The following BLOC1S3 variants were observed in gnomAD, a reference collection of about 807,000 sequenced individuals.
BLOC1S3 encodes biogenesis of lysosome-related organelles complex 1 subunit 3.
A neutral mutation model predicts 9.1 loss-of-function variants in BLOC1S3; 7 were observed. That is an observed-to-expected ratio of 0.77 (90% CI 0.44 to 1.45). BLOC1S3 has a LOEUF of 1.45. BLOC1S3 is among the 40% of genes most tolerant of loss of function. BLOC1S3 has a pLI of 0.01. For synonymous variants in BLOC1S3, 145 were observed against 158.4 expected, an observed-to-expected ratio of 0.92 and a Z score of 0.64; for missense variants, 307 against 315.2, an observed-to-expected ratio of 0.97 and a Z score of 0.20.
At chr19:45,216,117 G>A in intron 3 of BLOC1S3, 1 of 1,613,984 alleles carries the variant, frequency 6.2e-7, no homozygotes. Flanking sequence ...CCTCCACCTG[G>A]ATGCTGGGCG....
In BLOC1S3 at chr19:45,189,545, GC is replaced by G. The variant is rs540535431; in HGVS notation, n.180+1807del. ...CCTCCCAGGTTCAAGTGATTCTCCT[GC>G]CTAAGCCTCCCGAATAGCTGAGATT... On this transcript the variant is annotated intron_variant and non_coding_transcript_variant, in intron 2 of 3. Transcript: ENST00000591569. 1.3e-4 allele frequency among the ~76,000 whole-genome samples: 20 copies of G among 148,904 alleles called. No individual in the cohort carries two copies. The South Asian group carries it at 4.2e-3, about 31-fold the overall frequency.
intron 3 of BLOC1S3, among the ~76,000 whole-genome samples, chr19:45,206,455 T>TTTTTTTTTTTTTTTTTTTTTTTG (rs1568476450): frequency 1.7e-5 from 2 of 115,212 alleles, no homozygotes; most frequent in African/African-American, 8.1e-5. Context: ...ATCAAGTTTT[T>TTTTTTTTTTTTTTTTTTTTTTTG]TTTTTTTTTT....
rs1969487298 is a variant in BLOC1S3 at position 45,179,794 on chromosome 19, C to A, written c.498C>A (p.Asp166Glu). The change falls in exon 2 of 2, where the codon GAC becomes GAA. Residue 166 changes from aspartate (D) to glutamate (E), a missense_variant. Physicochemically the swap from Asp to Glu is conservative, Grantham distance 45. Coordinates refer to ENST00000433642, the MANE Select transcript of BLOC1S3 (RefSeq NM_212550.5). The surrounding 1 kb of genome is among the most constrained non-coding windows in gnomAD (Gnocchi z 4.6). ...AAHSVRLARG[D>E]LCALAERLDI... ...ACAGCGTGCGCCTGGCGCGCGGGGA[C>A]CTTTGTGCGCTGGCCGAGCGTCTGG... is the stretch of plus-strand genomic sequence containing the variant. The A allele has an allele frequency of 6.3e-7, 1 of 1,593,178 alleles. No homozygotes were observed. Among genetic ancestry groups the A allele is most frequent in the Middle Eastern group, 1.7e-4 (1 of 5,998 alleles).
At chr19:45,207,973 T>C (rs1286460560) in intron 3 of BLOC1S3, among the ~76,000 whole-genome samples, 1 of 151,336 alleles carries the variant, frequency 6.6e-6, no homozygotes, top group Non-Finnish European at 1.5e-5. Context: ...AAGACCACCA[T>C]GTACTTTTTT....
intron 3 of BLOC1S3, among the ~76,000 whole-genome samples, chr19:45,209,137 C>T (rs1217833614): frequency 3.9e-5 from 6 of 151,976 alleles, no homozygotes; most frequent in African/African-American, 1.4e-4. Flanking sequence ...CAACCTCTGC[C>T]TCCCGGGTTC....
At chr19:45,183,623 C>CTTTTTTTTTTTTTTTTTTTTTTTT (rs57651816), downstream of BLOC1S3, among the ~76,000 whole-genome samples, 14 of 105,114 alleles carry the variant, frequency 1.3e-4, no homozygotes, top group East Asian at 2.8e-4. Flanking sequence ...CTTTTCTTTT[C>CTTTTTTTTTTTTTTTTTTTTTTTT]TTTTTTTTTT....
chr19:45,196,115 A>T (rs1011245631), intron 2 of BLOC1S3, among the ~76,000 whole-genome samples: 6 of 152,226 alleles, frequency 3.9e-5, no homozygotes, highest in Non-Finnish European at 5.9e-5. Context: ...TTGGAAAGAA[A>T]CACATTTCCA....
chr19:45,185,206 A>G (rs1353849901), downstream of BLOC1S3, among the ~76,000 whole-genome samples: 3 of 152,204 alleles, frequency 2.0e-5, no homozygotes, highest in Admixed American at 2.0e-4. Flanking sequence ...CACTCTGGTC[A>G]TCACTGCCTG....
intron 2 of BLOC1S3, among the ~76,000 whole-genome samples, chr19:45,195,052 T>C (rs1000597135): frequency 2.6e-5 from 4 of 151,086 alleles, no homozygotes; most frequent in Non-Finnish European, 5.9e-5. Flanking sequence ...TGCCCCAGCC[T>C]CCCGGTAGAT....
intron 3 of BLOC1S3, among the ~76,000 whole-genome samples, chr19:45,205,342 T>C (rs546157845): frequency 6.6e-6 from 1 of 152,124 alleles, no homozygotes; most frequent in South Asian, 2.1e-4. Flanking sequence ...ATTTTTTGTA[T>C]TTTTAGTAGA....
intron 2 of BLOC1S3, among the ~76,000 whole-genome samples, chr19:45,189,057 G>A (rs142259720): frequency 1.7e-4 from 25 of 150,968 alleles, no homozygotes; most frequent in African/African-American, 5.8e-4. Context: ...TGATCCTCCC[G>A]CCTTGGGCTC....
rs1470568928 is a variant in BLOC1S3 at position 45,179,630 on chromosome 19, C to T, written c.334C>T (p.Arg112Trp). The change falls in exon 2 of 2, where the codon CGG (arginine) becomes TGG (tryptophan). Residue 112 changes from arginine (R) to tryptophan (W), a missense_variant. Coordinates refer to ENST00000433642, the MANE Select transcript of BLOC1S3 (RefSeq NM_212550.5). This position sits in a 1 kb window ranked among gnomAD's most constrained non-coding sequence, Gnocchi z 4.6. The part of the protein sequence containing the change: ...PAPARSLLQL[R>W]LAESQARLDH... ...CCCCGCGCGCTCGCTCCTGCAACTTCGGCTGGCGGAGAGCCAGGCGCGGCT... is the reference window on the plus strand; with the variant it reads ...CCCCGCGCGCTCGCTCCTGCAACTTTGGCTGGCGGAGAGCCAGGCGCGGCT... 1.2e-5 allele frequency: 17 copies of T among 1,473,222 alleles called. No homozygotes were observed. The highest frequency in any genetic ancestry group is 1.5e-5 in the African/African-American group (1 of 68,128). 91.3% of individuals were successfully genotyped at this position (1,473,222 alleles called of 1,614,324 possible).
At chr19:45,214,246 C>T (rs555595609) in intron 3 of BLOC1S3, among the ~76,000 whole-genome samples, 9 of 152,240 alleles carry the variant, frequency 5.9e-5, no homozygotes, top group Non-Finnish European at 1.3e-4. Context: ...AATTCCAGGA[C>T]CCCCACCCTC....
At chr19:45,190,176 A>G (rs1181384661) in intron 2 of BLOC1S3, among the ~76,000 whole-genome samples, 1 of 151,324 alleles carries the variant, frequency 6.6e-6, no homozygotes, top group Non-Finnish European at 1.5e-5. Context: ...TGCTTGATTA[A>G]TTCTGCTGGT....
chr19:45,179,961 G>C lies in BLOC1S3; in HGVS notation c.*56G>C. ...TTTGGGGGTAGGCCTTGCTGCCTCT[G>C]GGACCTGACTCTGTCTCCTGTGTCT... On this transcript the variant is annotated 3_prime_UTR_variant, in exon 2 of 2. Coordinates refer to ENST00000433642, the MANE Select transcript of BLOC1S3 (RefSeq NM_212550.5). The surrounding 1 kb of genome is among the most constrained non-coding windows in gnomAD (Gnocchi z 4.6). 6.4e-7 allele frequency: 1 copy of C among 1,573,698 alleles called. No homozygotes were observed. The highest frequency in any genetic ancestry group is 8.6e-7 in the Non-Finnish European group (1 of 1,159,374).
intron 3 of BLOC1S3, among the ~76,000 whole-genome samples, chr19:45,211,384 G>A (rs978009044): frequency 6.6e-6 from 1 of 151,604 alleles, no homozygotes; most frequent in Non-Finnish European, 1.5e-5. Flanking sequence ...GGGGGCACCT[G>A]TAATCCCAGC....
At chr19:45,186,859 A>T (rs1427377578), upstream of BLOC1S3, among the ~76,000 whole-genome samples, 1 of 152,224 alleles carries the variant, frequency 6.6e-6, no homozygotes, top group African/African-American at 2.4e-5. Flanking sequence ...TTCACTGAGT[A>T]ATACTGGACT....
intron 3 of BLOC1S3, chr19:45,212,782 TA>T (rs1568478077): frequency 6.1e-6 from 2 of 326,084 alleles, no homozygotes; most frequent in Non-Finnish European, 1.1e-5. Context: ...TTTGTAGAGA[TA>T]GGGGGCAGGT....
intron 3 of BLOC1S3, among the ~76,000 whole-genome samples, chr19:45,207,941 G>C (rs1239509749): frequency 6.6e-6 from 1 of 151,828 alleles, no homozygotes; most frequent in Non-Finnish European, 1.5e-5. Context: ...GTTAGCATCA[G>C]GTAAGTGGAT....
Sources: gnomAD v4.1 joint callset for allele counts (sites outside exome capture counted in the v4.1 genomes callset) on GRCh38, gnomAD v4.1.1 for gene constraint, Gnocchi (gnomAD v3.1) non-coding constraint, MANE v1.5 for transcripts, NCBI Gene and HGNC (gene_info 2026-07-23, HGNC 2026-07-21) for gene names.